YIPF2: variants seen among roughly 807,000 people sequenced by gnomAD.
YIPF2 encodes Yip1 domain family member 2.
Under a neutral mutation model 38.8 loss-of-function variants are expected in YIPF2, and 30 were observed. That is an observed-to-expected ratio of 0.77 (90% CI 0.58 to 1.05). YIPF2 has a LOEUF of 1.05. YIPF2 is among the 50% of genes least tolerant of loss of function. YIPF2 has a pLI of 0.00. For missense variants in YIPF2, 401 were observed against 409.7 expected, an observed-to-expected ratio of 0.98 and a Z score of 0.18; for synonymous variants, 194 against 183.8, an observed-to-expected ratio of 1.06 and a Z score of -0.45.
rs1271820136 is a variant in YIPF2, at chr19:10,928,589, G to T, written c.-109C>A. On this transcript the variant is annotated 5_prime_UTR_variant, in exon 1 of 10. Coordinates refer to ENST00000586748, the MANE Select transcript of YIPF2 (RefSeq NM_001321439.2). Reference sequence around the variant, plus strand: ...GTGCGCTCCGCCCCCCCTCACCTGAGGCCACCTGGGCCGGCGTGGCTGGGG... The same window carrying T: ...GTGCGCTCCGCCCCCCCTCACCTGATGCCACCTGGGCCGGCGTGGCTGGGG... 3.1e-6 allele frequency: 3 copies of T among 968,006 alleles called. No individual in the cohort carries two copies. Among genetic ancestry groups the T allele is most frequent in the Non-Finnish European group, 2.9e-6 (2 of 700,196 alleles). 60.0% of individuals were successfully genotyped at this position (968,006 alleles called of 1,614,324 possible).
chr19:10,928,024 G>A, intron 2 of YIPF2, 65 bp from the exon 3 acceptor site: 2 of 1,554,908 alleles, frequency 1.3e-6, no homozygotes, highest in Middle Eastern at 3.4e-4. Context: ...CTGGGCCCAA[G>A]CTAAACCGAT....
In YIPF2 at chr19:10,928,608, GCT is replaced by G; in HGVS notation, c.-130_-129del. ...ACCTGAGGCCACCTGGGCCGGCGTG[GCT>G]GGGGCTCTCTGCGCCTGCGCGTCTC... On this transcript the variant is annotated 5_prime_UTR_variant, in exon 1 of 10. Transcript: ENST00000586748. 5 of 900,478 alleles carry G rather than the reference GCT, an allele frequency of 5.6e-6. No homozygotes were observed. The highest frequency in any genetic ancestry group is 7.8e-6 in the Non-Finnish European group (5 of 638,898). The allele number at this position is 900,478 out of a possible 1,614,324, so 55.8% of individuals were successfully genotyped here.
chr19:10,928,039 A>T (rs1599729088), intron 2 of YIPF2, 80 bp from the exon 3 acceptor site: 5 of 1,533,752 alleles, frequency 3.3e-6, no homozygotes, highest in Non-Finnish European at 4.4e-6. Flanking sequence ...ACCGATGCTC[A>T]TCTGGGGGCG....
rs1316230171 is a variant in YIPF2 at position 10,928,432 on chromosome 19, C to T, written c.-22G>A. Reference sequence around the variant, plus strand: ...CCATGGTCGTTCAGGGGCGTCTCCGCATCCCTCGCTGAGGACAGAGACCGG... The same window carrying T: ...CCATGGTCGTTCAGGGGCGTCTCCGTATCCCTCGCTGAGGACAGAGACCGG... On this transcript the variant is annotated 5_prime_UTR_variant, in exon 2 of 10. It removes an upstream start codon present in the reference 5' UTR. Transcript: ENST00000586748. 8 of 1,337,204 alleles carry T rather than the reference C, an allele frequency of 6.0e-6. No homozygotes were observed. The highest frequency in any genetic ancestry group is 6.7e-6 in the Non-Finnish European group (7 of 1,039,998). The allele number at this position is 1,337,204 out of a possible 1,614,324, so 82.8% of individuals were successfully genotyped here. A position where few individuals can be genotyped will look rare whatever the true frequency, so the allele number is the denominator to read the frequency against.
chr19:10,922,478 C>G lies in YIPF2; in HGVS notation c.*716G>C, dbSNP rs534901384. On this transcript the variant is annotated 3_prime_UTR_variant, in exon 10 of 10. Coordinates refer to ENST00000586748, the MANE Select transcript of YIPF2 (RefSeq NM_001321439.2). The stretch of plus-strand genomic sequence containing the variant: ...CCCTGCAGGTCCCCCCCCGCCCCCC[C>G]ACTCAAGAGTTAGAGCAGGTGGCTG... 1.4e-5 allele frequency: 2 copies of G among 147,672 alleles called. No individual in the cohort carries two copies. Among genetic ancestry groups the G allele is most frequent in the African/African-American group, 2.5e-5 (1 of 40,770 alleles). The allele number at this position is 147,672 out of a possible 1,614,324, so 9.1% of individuals were successfully genotyped here.
chr19:10,924,913 C>T (rs1450445597), intron 5 of YIPF2, among the ~76,000 whole-genome samples: 8 of 152,136 alleles, frequency 5.3e-5, no homozygotes, highest in Admixed American at 1.3e-4. Flanking sequence ...CTCATGATGG[C>T]GAGAGGGACC....
In YIPF2 at chr19:10,923,581, C is replaced by T. The variant is rs1158043805; in HGVS notation, c.748G>A (p.Val250Met). 1.1e-5 allele frequency: 17 copies of T among 1,612,712 alleles called. No individual in the cohort carries two copies. Among genetic ancestry groups the T allele is most frequent in the East Asian group, 4.5e-5 (2 of 44,892 alleles). Residue 250 changes from valine (V) to methionine (M), a missense_variant, in exon 8 of 10, where the codon GTG (valine) becomes ATG (methionine). Coordinates refer to ENST00000586748, the MANE Select transcript of YIPF2 (RefSeq NM_001321439.2). ...AAGLVFTLWP[V>M]VREDTRLVAT... ...ACCAGCCTGGTGTCCTCACGGACCACGGGCCAGAGGGTGAATACCAGCCCG... is the reference window on the plus strand; with the variant it reads ...ACCAGCCTGGTGTCCTCACGGACCATGGGCCAGAGGGTGAATACCAGCCCG...
Position 10,928,366 on chromosome 19 carries a change from G to A in YIPF2, c.31+14C>T, listed in dbSNP as rs756519963. On this transcript the variant is annotated intron_variant, in intron 2 of 9. Transcript: ENST00000586748. ...CGGGAGTGGGAGATCCGGCCACGTC[G>A]GGGCCGCACTCACCATGGAAGGTCA... is the stretch of plus-strand genomic sequence containing the variant. The A allele has an allele frequency of 3.0e-6, 4 of 1,326,628 alleles. No homozygotes were observed. The Admixed American group carries it at 1.5e-4, about 49-fold the overall frequency. 82.2% of individuals were successfully genotyped at this position (1,326,628 alleles called of 1,614,324 possible). A position where few individuals can be genotyped will look rare whatever the true frequency, so the allele number is the denominator to read the frequency against.
Position 10,923,154 on chromosome 19 carries a change from G to C in YIPF2, c.*40C>G. On this transcript the variant is annotated 3_prime_UTR_variant, in exon 10 of 10. Transcript: ENST00000586748. ...TCTGGGGGGCAGGACAGGCAGAGGG[G>C]TTGGTCCACTTAGGTGTTGCCTGAA... 3.8e-6 allele frequency: 3 copies of C among 793,844 alleles called. No individual in the cohort carries two copies. Among genetic ancestry groups the C allele is most frequent in the Non-Finnish European group, 5.8e-6 (3 of 515,380 alleles). The allele number at this position is 793,844 out of a possible 1,614,324, so 49.2% of individuals were successfully genotyped here.
chr19:10,928,298 A>T, intron 2 of YIPF2, 82 bp downstream of exon 2: 1 of 1,311,122 alleles, frequency 7.6e-7, no homozygotes, highest in Non-Finnish European at 9.8e-7. Flanking sequence ...GCTTCGGGGT[A>T]GAGAAATTGG....
intron 5 of YIPF2, among the ~76,000 whole-genome samples, chr19:10,924,621 G>C (rs926919798): frequency 1.3e-5 from 2 of 152,226 alleles, no homozygotes. Flanking sequence ...AAGCTCCCGG[G>C]TGGGCATCTC....
intron 4 of YIPF2, 102 bp from the exon 5 acceptor site, chr19:10,925,875 C>G: frequency 9.1e-7 from 1 of 1,100,266 alleles, no homozygotes; most frequent in Non-Finnish European, 1.3e-6. Flanking sequence ...CTTTCCATGC[C>G]CCACCTGAAA....
Position 10,925,686 on chromosome 19 carries a change from C to CA in YIPF2, c.366dup (p.Gly123TrpfsTer131), listed in dbSNP as rs765085391. 6.2e-7 allele frequency: 1 copy of CA among 1,614,008 alleles called. No homozygotes were observed. Among genetic ancestry groups the CA allele is most frequent in the Non-Finnish European group, 8.5e-7 (1 of 1,179,982 alleles). ...GAACCAAATGCACAACCTCACTCAC[C>CA]ATACAGATCCGGCCGATTCCGCAGA... On this transcript the variant is annotated frameshift_variant and splice_region_variant, in exon 5 of 10. Transcript: ENST00000586748. LOFTEE classifies it high-confidence loss of function.
chr19:10,923,571 T>C lies in YIPF2; in HGVS notation c.758A>G (p.Glu253Gly). 6.2e-7 allele frequency: 1 copy of C among 1,612,748 alleles called. No individual in the cohort carries two copies. The highest frequency in any genetic ancestry group is 1.1e-5 in the South Asian group (1 of 91,074). Residue 253 changes from glutamate to glycine, a missense_variant, in exon 8 of 10, where the codon GAG becomes GGG. By Grantham distance (98) the Glu-to-Gly change is moderately conservative. Transcript: ENST00000586748. ...LVFTLWPVVREDTRLVATVLL... is the reference protein window; with the variant it reads ...LVFTLWPVVRGDTRLVATVLL... Reference sequence around the variant, plus strand: ...CACTGTGGCCACCAGCCTGGTGTCCTCACGGACCACGGGCCAGAGGGTGAA... The same window carrying C: ...CACTGTGGCCACCAGCCTGGTGTCCCCACGGACCACGGGCCAGAGGGTGAA...
intron 5 of YIPF2, among the ~76,000 whole-genome samples, chr19:10,925,391 C>A (rs2083407161): frequency 6.6e-6 from 1 of 152,078 alleles, no homozygotes; most frequent in Non-Finnish European, 1.5e-5. Flanking sequence ...TTCTGGAAGC[C>A]TCTTTTCCTA....
intron 5 of YIPF2, among the ~76,000 whole-genome samples, chr19:10,925,002 C>T (rs572006521): frequency 4.7e-4 from 72 of 152,092 alleles, no homozygotes; most frequent in African/African-American, 1.7e-3. Context: ...GAGGCCGAGG[C>T]GGGTGGATCA....
Position 10,928,619 on chromosome 19 carries a change from C to T in YIPF2, c.-139G>A, listed in dbSNP as rs1048788994. On this transcript the variant is annotated 5_prime_UTR_variant, in exon 1 of 10. Coordinates refer to ENST00000586748, the MANE Select transcript of YIPF2 (RefSeq NM_001321439.2). Reference sequence around the variant, plus strand: ...CCTGGGCCGGCGTGGCTGGGGCTCTCTGCGCCTGCGCGTCTCGCCTACCCG... The same window carrying T: ...CCTGGGCCGGCGTGGCTGGGGCTCTTTGCGCCTGCGCGTCTCGCCTACCCG... 69 of 856,312 alleles carry T rather than the reference C, an allele frequency of 8.1e-5. No individual in the cohort carries two copies. Among genetic ancestry groups the T allele is most frequent in the Non-Finnish European group, 1.1e-4 (68 of 598,116 alleles). 53.0% of individuals were successfully genotyped at this position (856,312 alleles called of 1,614,324 possible).
Position 10,928,373 on chromosome 19 carries a change from C to G in YIPF2, c.31+7G>C. Reference sequence around the variant, plus strand: ...GGGAGATCCGGCCACGTCGGGGCCGCACTCACCATGGAAGGTCAGCTCGTC... The same window carrying G: ...GGGAGATCCGGCCACGTCGGGGCCGGACTCACCATGGAAGGTCAGCTCGTC... On this transcript the variant is annotated splice_region_variant and intron_variant, in intron 2 of 9. Coordinates refer to ENST00000586748, the MANE Select transcript of YIPF2 (RefSeq NM_001321439.2). 1 of 1,338,664 alleles carries G rather than the reference C, an allele frequency of 7.5e-7. No homozygotes were observed. Among genetic ancestry groups the G allele is most frequent in the Non-Finnish European group, 9.6e-7 (1 of 1,039,778 alleles). The allele number at this position is 1,338,664 out of a possible 1,614,324, so 82.9% of individuals were successfully genotyped here. A position where few individuals can be genotyped will look rare whatever the true frequency, so the allele number is the denominator to read the frequency against.
In YIPF2 at chr19:10,923,850, CAAAGAG is replaced by C. The variant is rs777968703; in HGVS notation, c.628_633del (p.Leu210_Phe211del). On this transcript the variant is annotated inframe_deletion, in exon 7 of 10. Coordinates refer to ENST00000586748, the MANE Select transcript of YIPF2 (RefSeq NM_001321439.2). Reference sequence around the variant, plus strand: ...ACACTCACCACCATGGGGATGAAGACAAAGAGGGAGTAGCCGTAGATGCACACAGTC... The same window carrying C: ...ACACTCACCACCATGGGGATGAAGACGGAGTAGCCGTAGATGCACACAGTC... 5.6e-6 allele frequency: 9 copies of C among 1,612,886 alleles called. No homozygotes were observed. The highest frequency in any genetic ancestry group is 7.6e-6 in the Non-Finnish European group (9 of 1,179,474).
Sources: allele counts gnomAD v4.1 joint callset (sites outside exome capture counted in the v4.1 genomes callset), GRCh38; gene constraint gnomAD v4.1.1; transcripts MANE v1.5; gene names NCBI Gene and HGNC (gene_info 2026-07-23, HGNC 2026-07-21).